IL1RAPL1: variants seen among roughly 807,000 people sequenced by gnomAD.
IL1RAPL1 encodes interleukin 1 receptor accessory protein like 1.
In IL1RAPL1, 3 loss-of-function variants were observed where a neutral mutation model predicts 48.4. That is an observed-to-expected ratio of 0.06 (90% CI 0.03 to 0.16). The LOEUF (loss-of-function observed/expected upper bound fraction) is 0.16. IL1RAPL1 is among the 10% of genes least tolerant of loss of function. The probability of loss-of-function intolerance (pLI) is 1.00; values close to 1 mark genes in which losing one functional copy is unlikely to be tolerated. For missense variants in IL1RAPL1, 349 were observed against 530.6 expected (o/e 0.66, Z 3.36); for synonymous variants, 185 against 187.7 (o/e 0.99, Z 0.12).
intron 5 of IL1RAPL1, among the ~76,000 whole-genome samples, chrX:29,643,677 G>C (rs1925233578): frequency 9.0e-6 from 1 of 111,336 alleles, no homozygotes; most frequent in Admixed American, 9.5e-5. Flanking sequence ...TATTTCTCAA[G>C]GAGACTCTGA....
chrX:28,915,506 ATC>A lies in IL1RAPL1; in HGVS notation c.82+126084_82+126085del, dbSNP rs754035064. ...ATAACGTTTATTGAATGCGTATAACATCTCAGGTACTGTTGCACATACTTTAC... is the reference window on the plus strand; with the variant it reads ...ATAACGTTTATTGAATGCGTATAACATCAGGTACTGTTGCACATACTTTAC... On this transcript the variant is annotated intron_variant, in intron 2 of 10. Coordinates refer to ENST00000378993, the MANE Select transcript of IL1RAPL1 (RefSeq NM_014271.4). Among the ~76,000 whole-genome samples, 5 of 112,021 alleles carry A rather than the reference ATC, an allele frequency of 4.5e-5. No individual in the cohort carries two copies. The East Asian group carries it at 1.4e-3, about 31-fold the overall frequency.
chrX:29,136,549 T>C (rs947040162), intron 2 of IL1RAPL1, among the ~76,000 whole-genome samples: 3 of 110,863 alleles, frequency 2.7e-5, no homozygotes, highest in African/African-American at 9.9e-5. Context: ...CATTCTGGAG[T>C]GTAGTAGTGT....
intron 2 of IL1RAPL1, among the ~76,000 whole-genome samples, chrX:28,943,433 A>G (rs957181153): frequency 4.5e-5 from 5 of 110,268 alleles, no homozygotes; most frequent in African/African-American, 1.6e-4. Flanking sequence ...AGTAATGTAT[A>G]TGAACCCTTA....
At chrX:28,721,558 G>A (rs1489688323) in intron 1 of IL1RAPL1, among the ~76,000 whole-genome samples, 1 of 111,425 alleles carries the variant, frequency 9.0e-6, no homozygotes, top group African/African-American at 3.3e-5. Context: ...TGTGCACTCT[G>A]ATGGTAGTTT....
intron 2 of IL1RAPL1, among the ~76,000 whole-genome samples, chrX:28,985,938 C>T (rs1346974746): frequency 4.5e-5 from 5 of 111,033 alleles, no homozygotes; most frequent in Non-Finnish European, 7.6e-5. Context: ...GGATTACAGG[C>T]GTGAGCCACC....
At chrX:29,444,005 T>C (rs969762520) in intron 5 of IL1RAPL1, among the ~76,000 whole-genome samples, 2 of 112,139 alleles carry the variant, frequency 1.8e-5, no homozygotes, top group Non-Finnish European at 3.8e-5. Flanking sequence ...TATAGAGAAA[T>C]AGATTTTACC....
intron 5 of IL1RAPL1, among the ~76,000 whole-genome samples, chrX:29,494,732 G>T (rs1230099035): frequency 8.9e-6 from 1 of 112,049 alleles, no homozygotes; most frequent in African/African-American, 3.2e-5. Flanking sequence ...TAGCCATATG[G>T]CTCTAAACTT....
intron 2 of IL1RAPL1, among the ~76,000 whole-genome samples, chrX:28,858,104 A>G (rs1435283461): frequency 2.7e-5 from 3 of 112,372 alleles, no homozygotes; most frequent in African/African-American, 9.7e-5. Context: ...CCAAAGATCT[A>G]CAGTGAGGAT....
At chrX:29,796,923 G>A (rs1467272573) in intron 6 of IL1RAPL1, among the ~76,000 whole-genome samples, 3 of 112,165 alleles carry the variant, frequency 2.7e-5, no homozygotes, top group African/African-American at 9.7e-5. Context: ...ACTCACTGTT[G>A]CCTCTGCCTG....
At chrX:29,320,572 C>T (rs984915064) in intron 3 of IL1RAPL1, among the ~76,000 whole-genome samples, 2 of 110,939 alleles carry the variant, frequency 1.8e-5, no homozygotes, top group South Asian at 3.8e-4. Flanking sequence ...GTCAGGAGTT[C>T]GAGACCAGCC....
At chrX:29,603,461 T>C (rs1022105681) in intron 5 of IL1RAPL1, among the ~76,000 whole-genome samples, 1 of 111,784 alleles carries the variant, frequency 8.9e-6, no homozygotes, top group African/African-American at 3.3e-5. Flanking sequence ...ATCACAGGCA[T>C]TTCAACTGTG....
chrX:28,728,540 A>C (rs997598972), intron 1 of IL1RAPL1, among the ~76,000 whole-genome samples: 2 of 111,719 alleles, frequency 1.8e-5, no homozygotes, highest in African/African-American at 3.2e-5. Flanking sequence ...AGATCGTTCT[A>C]TCTTCCAGGA....
chrX:29,284,660 G>A (rs1001693190), intron 3 of IL1RAPL1, among the ~76,000 whole-genome samples: 41 of 111,810 alleles, frequency 3.7e-4, no homozygotes, highest in African/African-American at 5.2e-4. Context: ...CAAAAGAATC[G>A]CTTGAACCCA....
At chrX:29,114,018 T>C (rs1032215105) in intron 2 of IL1RAPL1, among the ~76,000 whole-genome samples, 1 of 111,723 alleles carries the variant, frequency 9.0e-6, no homozygotes, top group Non-Finnish European at 1.9e-5. Flanking sequence ...TGATTCTGTT[T>C]GCCAATATCT....
chrX:28,882,984 A>G (rs1263361216), intron 2 of IL1RAPL1, among the ~76,000 whole-genome samples: 1 of 111,768 alleles, frequency 8.9e-6, no homozygotes, highest in Non-Finnish European at 1.9e-5. Context: ...TTGCAACATC[A>G]GTAGCATACA....
intron 2 of IL1RAPL1, among the ~76,000 whole-genome samples, chrX:28,866,008 A>G (rs2147305328): frequency 8.9e-6 from 1 of 112,100 alleles, no homozygotes; most frequent in African/African-American, 3.2e-5. Context: ...CAAATATTTG[A>G]CTGAGTTTGC....
At chrX:28,894,847 GGA>G (rs1922868063) in intron 2 of IL1RAPL1, among the ~76,000 whole-genome samples, 1 of 111,192 alleles carries the variant, frequency 9.0e-6, no homozygotes, top group African/African-American at 3.3e-5. Context: ...TTTGTAGAAG[GGA>G]TTGGGGTTTG....
chrX:28,967,469 G>A (rs182695023), intron 2 of IL1RAPL1, among the ~76,000 whole-genome samples: 69 of 109,623 alleles, frequency 6.3e-4, no homozygotes, highest in Non-Finnish European at 1.2e-3. Context: ...AGAAAGTTAA[G>A]CCATTAAAAA....
chrX:29,704,865 G>A (rs1249142414), intron 6 of IL1RAPL1, among the ~76,000 whole-genome samples: 1 of 110,780 alleles, frequency 9.0e-6, no homozygotes, highest in African/African-American at 3.3e-5. Flanking sequence ...CTTAATTGCA[G>A]TTAAACCTTA....
Sources: allele counts gnomAD v4.1 joint callset (sites outside exome capture counted in the v4.1 genomes callset), GRCh38; gene constraint gnomAD v4.1.1; transcripts MANE v1.5; gene names NCBI Gene and HGNC (gene_info 2026-07-23, HGNC 2026-07-21).